The following SOX5 variants were observed in gnomAD, a reference collection of about 807,000 sequenced individuals.
SOX5 encodes SRY-box transcription factor 5, also known as transcription factor SOX-5.
A neutral mutation model predicts 92.0 loss-of-function variants in SOX5; 9 were observed. That is an observed-to-expected ratio of 0.10 (90% confidence interval 0.06 to 0.17). The LOEUF is 0.17. SOX5 is among the 10% of genes least tolerant of loss of function. The pLI is 1.00. For synonymous variants in SOX5, 344 were observed against 336.3 expected, an observed-to-expected ratio of 1.02 and a Z score of -0.25; for missense variants, 642 against 944.5, an observed-to-expected ratio of 0.68 and a Z score of 4.20.
chr12:23,992,397 G>C (rs1950648983), intron 4 of SOX5, among the ~76,000 whole-genome samples: 1 of 151,976 alleles, frequency 6.6e-6, no homozygotes, highest in African/African-American at 2.4e-5. Flanking sequence ...TTATTTCAAA[G>C]TCAAATTATG....
intron 1 of SOX5, among the ~76,000 whole-genome samples, chr12:24,522,839 A>C (rs1013112815): frequency 6.6e-6 from 1 of 152,136 alleles, no homozygotes; most frequent in Non-Finnish European, 1.5e-5. Flanking sequence ...AAGCTTTTCC[A>C]CTAAGATCTG....
At chr12:24,507,474 C>T (rs1009785007) in intron 1 of SOX5, among the ~76,000 whole-genome samples, 1 of 151,634 alleles carries the variant, frequency 6.6e-6, no homozygotes, top group Admixed American at 6.6e-5. Context: ...CTTTCTGCAA[C>T]AAGTAAATGA....
intron 4 of SOX5, among the ~76,000 whole-genome samples, chr12:24,058,097 C>T (rs10444417): frequency 0.54 from 82,814 of 152,104 alleles, 23,066 homozygotes; most frequent in Middle Eastern, 0.68. Context: ...CTGCAAGGAT[C>T]CCCTGAGGCA....
intron 2 of SOX5, among the ~76,000 whole-genome samples, chr12:23,889,067 A>AT (rs1399539192): frequency 1.3e-5 from 2 of 152,168 alleles, no homozygotes; most frequent in Non-Finnish European, 2.9e-5. Context: ...TTCTGAATCT[A>AT]TTCTCCATGC....
intron 4 of SOX5, among the ~76,000 whole-genome samples, chr12:24,193,170 C>A (rs1217914501): frequency 2.0e-5 from 3 of 152,132 alleles, no homozygotes; most frequent in Non-Finnish European, 4.4e-5. Flanking sequence ...AAACCCCAAA[C>A]AAACAAATAA....
intron 3 of SOX5, among the ~76,000 whole-genome samples, chr12:23,810,786 G>A (rs1387743178): frequency 1.3e-5 from 2 of 152,084 alleles, no homozygotes; most frequent in East Asian, 3.9e-4. Context: ...TTTGACCCAA[G>A]CCCAACAGTG....
chr12:24,284,432 T>TGTG (rs77467039), intron 2 of SOX5, among the ~76,000 whole-genome samples: 2 of 149,676 alleles, frequency 1.3e-5, no homozygotes, highest in South Asian at 4.2e-4. Flanking sequence ...TTTTTTTTCT[T>TGTG]TGTGTGTGTG....
chr12:23,913,288 A>C (rs533761916), intron 1 of SOX5, among the ~76,000 whole-genome samples: 187 of 151,674 alleles, frequency 1.2e-3, no homozygotes, highest in African/African-American at 4.4e-3. Context: ...TTTTATTTGA[A>C]TACAAGCTTT....
At chr12:23,877,755 A>G (rs2137020221) in intron 2 of SOX5, among the ~76,000 whole-genome samples, 1 of 152,204 alleles carries the variant, frequency 6.6e-6, no homozygotes, top group South Asian at 2.1e-4. Context: ...CTTGGACATT[A>G]TATGAAATGT....
intron 1 of SOX5, among the ~76,000 whole-genome samples, chr12:24,380,287 C>G (rs931355342): frequency 6.6e-6 from 1 of 152,176 alleles, no homozygotes; most frequent in Non-Finnish European, 1.5e-5. Context: ...GCCAGCCCAG[C>G]CCAGGGATCT....
chr12:24,014,608 G>A (rs897586312), intron 4 of SOX5, among the ~76,000 whole-genome samples: 2 of 152,128 alleles, frequency 1.3e-5, no homozygotes, highest in African/African-American at 4.8e-5. Flanking sequence ...GATTCAATAG[G>A]TTTGTTTCAT....
intron 2 of SOX5, among the ~76,000 whole-genome samples, chr12:23,885,077 G>A (rs2097048635): frequency 6.6e-6 from 1 of 152,088 alleles, no homozygotes; most frequent in Admixed American, 6.6e-5. Context: ...CCCTAGCGGT[G>A]CAAAGCATGC....
intron 9 of SOX5, among the ~76,000 whole-genome samples, chr12:23,600,051 T>C (rs1457073655): frequency 2.0e-5 from 3 of 152,138 alleles, no homozygotes; most frequent in Admixed American, 6.5e-5. Flanking sequence ...AGCAAATAAT[T>C]AAAACATTTG....
chr12:24,145,615 T>G (rs1344806075), intron 4 of SOX5, among the ~76,000 whole-genome samples: 1 of 152,130 alleles, frequency 6.6e-6, no homozygotes, highest in Non-Finnish European at 1.5e-5. Flanking sequence ...TCCTGCCTGA[T>G]CCTCCCAAGT....
chr12:24,558,562 A>G (rs941328156), intron 1 of SOX5, among the ~76,000 whole-genome samples: 1 of 152,188 alleles, frequency 6.6e-6, no homozygotes, highest in African/African-American at 2.4e-5. Flanking sequence ...CTCCCCTCTT[A>G]AATATCAAAA....
chr12:24,440,916 T>C (rs1055960703), intron 1 of SOX5, among the ~76,000 whole-genome samples: 2 of 152,188 alleles, frequency 1.3e-5, no homozygotes, highest in Admixed American at 1.3e-4. Context: ...AGGGAAATTA[T>C]TGGATATCCT....
intron 3 of SOX5, among the ~76,000 whole-genome samples, chr12:23,827,545 A>G (rs2096252392): frequency 6.6e-6 from 1 of 152,158 alleles, no homozygotes; most frequent in African/African-American, 2.4e-5. Flanking sequence ...TTTTCTTTCT[A>G]TTTCATATAC....
intron 4 of SOX5, among the ~76,000 whole-genome samples, chr12:24,048,157 C>T (rs1005300942): frequency 3.3e-5 from 5 of 152,114 alleles, no homozygotes; most frequent in Non-Finnish European, 7.4e-5. Context: ...CATCACATTC[C>T]GTGCACACAA....
At chr12:24,015,044 T>C (rs1203321214) in intron 4 of SOX5, among the ~76,000 whole-genome samples, 4 of 152,054 alleles carry the variant, frequency 2.6e-5, no homozygotes, top group Admixed American at 1.3e-4. Context: ...GAATTCATCA[T>C]TGTTGTGGAG....
Sources: allele counts gnomAD v4.1 joint callset (sites outside exome capture counted in the v4.1 genomes callset), GRCh38; gene constraint gnomAD v4.1.1; transcripts MANE v1.5; gene names NCBI Gene and HGNC (gene_info 2026-07-23, HGNC 2026-07-21).